Variants in PTPRD observed in about 807,000 individuals in gnomAD.
The protein encoded by PTPRD is protein tyrosine phosphatase receptor type D.
PTPRD carries 34 observed loss-of-function variants against 214.5 expected under a neutral mutation model. That is an observed-to-expected ratio of 0.16 (90% CI 0.12 to 0.21). The LOEUF is 0.21. Ranked by LOEUF, PTPRD falls within the 10% of genes least tolerant of loss-of-function variation. The pLI is 1.00. For synonymous variants in PTPRD, 1,128 were observed against 845.7 expected (o/e 1.33, Z -5.79); for missense variants, 2,545 against 2,398.7 (o/e 1.06, Z -1.27).
At chr9:8,946,495 T>C (rs370059973) in intron 11 of PTPRD, among the ~76,000 whole-genome samples, 195 of 152,300 alleles carry the variant, frequency 1.3e-3, no homozygotes, top group African/African-American at 4.6e-3. Flanking sequence ...AAGTGATATA[T>C]GAAAATCCCT....
intron 14 of PTPRD, among the ~76,000 whole-genome samples, chr9:8,588,654 T>C (rs1021726937): frequency 3.9e-5 from 6 of 152,206 alleles, no homozygotes; most frequent in African/African-American, 1.2e-4. Flanking sequence ...CTCACAGGCA[T>C]GTGTACACCT....
chr9:8,502,582 G>A (rs1430320831), intron 23 of PTPRD, among the ~76,000 whole-genome samples: 2 of 151,988 alleles, frequency 1.3e-5, no homozygotes, highest in East Asian at 1.9e-4. Context: ...TATTGATTCT[G>A]ACTAGGGGTT....
At chr9:8,771,910 G>C (rs1439714156) in intron 11 of PTPRD, among the ~76,000 whole-genome samples, 1 of 151,458 alleles carries the variant, frequency 6.6e-6, no homozygotes, top group African/African-American at 2.4e-5. Context: ...GAAAAGCTGG[G>C]TCATAAACCA....
At chr9:8,694,905 T>G (rs920646583) in intron 12 of PTPRD, among the ~76,000 whole-genome samples, 2 of 152,216 alleles carry the variant, frequency 1.3e-5, no homozygotes, top group Non-Finnish European at 1.5e-5. Flanking sequence ...ATTCTTTACT[T>G]GACCCAACAA....
chr9:10,463,117 T>C (rs77272705), intron 2 of PTPRD, among the ~76,000 whole-genome samples: 3,792 of 152,006 alleles, frequency 0.025, 138 homozygotes, highest in East Asian at 0.08. Flanking sequence ...ATATGTTGAG[T>C]TGAAAATGGG....
intron 5 of PTPRD, among the ~76,000 whole-genome samples, chr9:9,786,256 A>C (rs1279940295): frequency 6.6e-6 from 1 of 151,512 alleles, no homozygotes. Context: ...AAACTAGAAA[A>C]ATTTACATCT....
chr9:9,368,809 TGCA>T (rs757953002), intron 9 of PTPRD, among the ~76,000 whole-genome samples: 38 of 151,946 alleles, frequency 2.5e-4, no homozygotes, highest in Non-Finnish European at 4.9e-4. Context: ...GTGCACAACG[TGCA>T]GGTTACATGT....
rs2099240059 is a variant in PTPRD at position 10,175,194 on chromosome 9, T to C, written c.-544-141404A>G. Among the ~76,000 whole-genome samples, 4 of 152,110 alleles carry C rather than the reference T, an allele frequency of 2.6e-5. No individual in the cohort carries two copies. In the East Asian group the frequency reaches 7.7e-4, roughly 29 times the overall value. On this transcript the variant is annotated intron_variant, in intron 3 of 45. Coordinates refer to ENST00000381196, the MANE Select transcript of PTPRD (RefSeq NM_002839.4). ...TGCCTGCAATAGTACTGCTACTTAC[T>C]AGCTCTCTTAAATCTGATAAGGTCA...
rs375717526 is a variant in PTPRD at position 9,338,058 on chromosome 9, T to C, written c.-203+59391A>G. 1.2e-3 allele frequency among the ~76,000 whole-genome samples: 176 copies of C among 152,304 alleles called. 2 individuals carry two copies. In the Middle Eastern group the frequency reaches 0.02, roughly 18 times the overall value. On this transcript the variant is annotated intron_variant, in intron 9 of 45. Coordinates refer to ENST00000381196, the MANE Select transcript of PTPRD (RefSeq NM_002839.4). ...AAGACTTTTTTGTTTCATGTACAAATTGCTCCATTCAAATAAAAAATTACA... is the reference window on the plus strand; with the variant it reads ...AAGACTTTTTTGTTTCATGTACAAACTGCTCCATTCAAATAAAAAATTACA...
intron 9 of PTPRD, among the ~76,000 whole-genome samples, chr9:9,203,057 T>C (rs2099942794): frequency 1.3e-5 from 2 of 152,178 alleles, no homozygotes; most frequent in East Asian, 1.9e-4. Context: ...CATGTCAATC[T>C]AGAAACAATA....
intron 10 of PTPRD, among the ~76,000 whole-genome samples, chr9:9,040,878 A>AT (rs2099637495): frequency 6.6e-6 from 1 of 151,968 alleles, no homozygotes; most frequent in Non-Finnish European, 1.5e-5. Context: ...TTTGTTTATT[A>AT]TTTTTTCAGT....
chr9:9,138,846 T>A (rs1046459687), intron 10 of PTPRD, among the ~76,000 whole-genome samples: 8 of 152,168 alleles, frequency 5.3e-5, no homozygotes, highest in Non-Finnish European at 8.8e-5. Context: ...CCTTTTATGT[T>A]TAATATAATG....
intron 7 of PTPRD, among the ~76,000 whole-genome samples, chr9:9,634,420 C>A (rs562763213): frequency 8.4e-4 from 128 of 152,150 alleles, no homozygotes; most frequent in African/African-American, 3.0e-3. Context: ...AAGACTGAAG[C>A]AATAAATGAG....
intron 33 of PTPRD, among the ~76,000 whole-genome samples, chr9:8,456,113 T>A (rs559385200): frequency 6.6e-6 from 1 of 152,308 alleles, no homozygotes; most frequent in East Asian, 1.9e-4. Context: ...TTGACTTGTA[T>A]ACATTTAATT....
chr9:8,384,021 G>A (rs919447320), intron 37 of PTPRD, among the ~76,000 whole-genome samples: 1 of 152,186 alleles, frequency 6.6e-6, no homozygotes, highest in South Asian at 2.1e-4. Context: ...ACAGTCAAGA[G>A]AAGATAGATG....
At chr9:10,548,571 C>T (rs540122709) in intron 2 of PTPRD, among the ~76,000 whole-genome samples, 50 of 152,230 alleles carry the variant, frequency 3.3e-4, no homozygotes, top group African/African-American at 1.2e-3. Context: ...AGAGTCTCAG[C>T]GTAAGCACTG....
intron 44 of PTPRD, among the ~76,000 whole-genome samples, chr9:8,330,074 G>T (rs933703178): frequency 6.6e-6 from 1 of 152,146 alleles, no homozygotes; most frequent in Non-Finnish European, 1.5e-5. Context: ...ATCTGGGCCA[G>T]AGTGTACTGT....
intron 10 of PTPRD, among the ~76,000 whole-genome samples, chr9:9,083,561 T>G (rs192356784): frequency 9.0e-4 from 137 of 152,242 alleles, no homozygotes; most frequent in African/African-American, 3.3e-3. Flanking sequence ...TGGGATCTAA[T>G]TAAGCTAAAG....
intron 2 of PTPRD, among the ~76,000 whole-genome samples, chr9:10,481,098 GA>G (rs1275582989): frequency 2.7e-5 from 4 of 150,080 alleles, no homozygotes; most frequent in Admixed American, 6.6e-5. Flanking sequence ...TCCTGCTCAA[GA>G]AAAAAAAGGA....
Sources: allele counts gnomAD v4.1 joint callset (sites outside exome capture counted in the v4.1 genomes callset), GRCh38; gene constraint gnomAD v4.1.1; transcripts MANE v1.5; gene names NCBI Gene and HGNC (gene_info 2026-07-23, HGNC 2026-07-21).